Variants in IQCC observed in about 807,000 individuals in gnomAD.
IQCC encodes the protein IQ motif containing C.
Under a neutral mutation model 27.0 loss-of-function variants are expected in IQCC, and 23 were observed. The observed-to-expected ratio is 0.85, with a 90% CI of 0.61 to 1.21. The LOEUF is 1.21. IQCC is among the 50% of genes most tolerant of loss of function. The pLI is 0.00. For synonymous variants in IQCC, 220 were observed against 217.2 expected (o/e 1.01, Z -0.11); for missense variants, 552 against 562.3 (o/e 0.98, Z 0.19).
chr1:32,207,609 G>C lies in IQCC; in HGVS notation c.928G>C (p.Gly310Arg). Residue 310 changes from glycine (G) to arginine (R), a missense_variant, in exon 5 of 5, where the codon GGA becomes CGA. Physicochemically the swap from Gly to Arg is moderately radical, Grantham distance 125 (BLOSUM62 -2). Transcript: ENST00000291358. ...GCCAGACGATGGAAGACAGACCTTT[G>C]GAGGGACCTGCCTGCTGCAGATGAA... is the stretch of plus-strand genomic sequence containing the variant. ...KGPDDGRQTF[G>R]GTCLLQMKIL... 6.2e-7 allele frequency: 1 copy of C among 1,613,826 alleles called. No homozygotes were observed. The highest frequency in any genetic ancestry group is 8.5e-7 in the Non-Finnish European group (1 of 1,179,972).
chr1:32,208,127 A>G lies in IQCC; in HGVS notation c.*45A>G. On this transcript the variant is annotated 3_prime_UTR_variant, in exon 5 of 5. Coordinates refer to ENST00000291358, the MANE Select transcript of IQCC (RefSeq NM_018134.3). ...GGATCAGGTTCCAAAGGGGAATGCT[A>G]TGAAAGGGCAGTGAGACAAGACCTC... is the stretch of plus-strand genomic sequence containing the variant. 1 of 1,515,260 alleles carries G rather than the reference A, an allele frequency of 6.6e-7. No individual in the cohort carries two copies. The highest frequency in any genetic ancestry group is 8.8e-7 in the Non-Finnish European group (1 of 1,131,134). The allele number at this position is 1,515,260 out of a possible 1,614,324, so 93.9% of individuals were successfully genotyped here.
chr1:32,208,060 G>A lies in IQCC; in HGVS notation c.1379G>A (p.Trp460Ter). ...TGEEQWRGRP[W>*]KTEPPG The stretch of plus-strand genomic sequence containing the variant: ...GAGGAACAGTGGAGGGGCAGGCCAT[G>A]GAAAACAGAACCACCTGGCTAGACC... The change falls in exon 5 of 5, where the codon TGG (tryptophan) becomes TAG (stop). Residue 460 changes from tryptophan (W) to a stop codon, truncating the protein, a stop_gained. Coordinates refer to ENST00000291358, the MANE Select transcript of IQCC (RefSeq NM_018134.3). LOFTEE classifies it high-confidence loss of function. 6.2e-7 allele frequency: 1 copy of A among 1,612,000 alleles called. No individual in the cohort carries two copies. Among genetic ancestry groups the A allele is most frequent in the Non-Finnish European group, 8.5e-7 (1 of 1,178,844 alleles).
rs763952071 is a variant in IQCC at position 32,207,887 on chromosome 1, A to G, written c.1206A>G (p.Pro402=). ...HSVLDLWRTK[P]PKGQAPTDRS... Reference sequence around the variant, plus strand: ...TCCTCGATCTCTGGAGGACTAAACCACCCAAAGGCCAGGCCCCCACTGATA... The same window carrying G: ...TCCTCGATCTCTGGAGGACTAAACCGCCCAAAGGCCAGGCCCCCACTGATA... The change falls in exon 5 of 5, where the codon CCA becomes CCG. Residue 402 remains proline (P), a synonymous_variant. Transcript: ENST00000291358. 2.5e-6 allele frequency: 4 copies of G among 1,614,034 alleles called. No individual in the cohort carries two copies. Among genetic ancestry groups the G allele is most frequent in the Non-Finnish European group, 3.4e-6 (4 of 1,179,994 alleles).
chr1:32,207,510 T>C lies in IQCC; in HGVS notation c.829T>C (p.Cys277Arg). Residue 277 changes from cysteine to arginine, a missense_variant, in exon 5 of 5, where the codon TGC (cysteine) becomes CGC (arginine). Cys to Arg is a radical substitution (Grantham distance 180). Transcript: ENST00000291358. ...NIAGAKCREP[C>R]YSKSGPPSSI... ...TGCTGGGGCTAAGTGCAGAGAACCA[T>C]GCTACAGCAAGTCTGGACCACCGTC... 2 of 1,612,098 alleles carry C rather than the reference T, an allele frequency of 1.2e-6. No homozygotes were observed. The highest frequency in any genetic ancestry group is 1.7e-6 in the Non-Finnish European group (2 of 1,178,798).
In IQCC at chr1:32,205,896, C is replaced by A. The variant is rs981974392; in HGVS notation, c.42+173C>A. The A allele has an allele frequency of 3.9e-6, 6 of 1,551,436 alleles. No individual in the cohort carries two copies. The African/African-American group carries it at 8.2e-5, about 21-fold the overall frequency. On this transcript the variant is annotated intron_variant, in intron 1 of 4. Coordinates refer to ENST00000291358, the MANE Select transcript of IQCC (RefSeq NM_018134.3). The surrounding 1 kb of genome is among the most constrained non-coding windows in gnomAD (Gnocchi z 5.6). ...GAGGAAAGCTGGGACCCACGGACTC[C>A]CTGCCCTGCGCGTCCCCACTCCCAC...
chr1:32,206,178 C>T lies in IQCC; in HGVS notation c.67C>T (p.Arg23Ter), dbSNP rs1488517407. Residue 23 changes from arginine (R) to a stop codon, truncating the protein, a stop_gained, in exon 2 of 5, where the codon CGA becomes TGA. Transcript: ENST00000291358. LOFTEE classifies it high-confidence loss of function. Reference sequence around the variant, plus strand: ...GGCCTGCGTCCGGGGCTTCTTGGTCCGACGCCAGTTCCAGAGCCTGCGAGC... The same window carrying T: ...GGCCTGCGTCCGGGGCTTCTTGGTCTGACGCCAGTTCCAGAGCCTGCGAGC... ...LQACVRGFLV[R>*]RQFQSLRAEY... 1 of 1,614,108 alleles carries T rather than the reference C, an allele frequency of 6.2e-7. No individual in the cohort carries two copies. The highest frequency in any genetic ancestry group is 1.1e-5 in the South Asian group (1 of 91,068).
rs1395784448 is a variant in IQCC, at chr1:32,205,901, C to T, written c.42+178C>T. 6 of 1,551,490 alleles carry T rather than the reference C, an allele frequency of 3.9e-6. No homozygotes were observed. Among genetic ancestry groups the T allele is most frequent in the Non-Finnish European group, 5.2e-6 (6 of 1,147,204 alleles). ...AAGCTGGGACCCACGGACTCCCTGC[C>T]CTGCGCGTCCCCACTCCCACCACAC... On this transcript the variant is annotated intron_variant, in intron 1 of 4. Coordinates refer to ENST00000291358, the MANE Select transcript of IQCC (RefSeq NM_018134.3). This position sits in a 1 kb window ranked among gnomAD's most constrained non-coding sequence, Gnocchi z 5.6.
intron 1 of IQCC, 137 bp from the exon 2 acceptor site, chr1:32,206,017 C>A (rs1221677663): frequency 1.3e-6 from 2 of 1,594,464 alleles, no homozygotes; most frequent in Non-Finnish European, 1.7e-6. Context: ...GGAGCCCTAG[C>A]GCACAGCCCA....
chr1:32,208,445 A>G lies in IQCC; in HGVS notation c.*363A>G. 1 of 190,952 alleles carries G rather than the reference A, an allele frequency of 5.2e-6. No individual in the cohort carries two copies. 11.8% of individuals were successfully genotyped at this position (190,952 alleles called of 1,614,324 possible). ...GAAATGAAACCCCATCTCAACTAAAAATATAAAAATTAGCCAGGCGTGGTG... is the reference window on the plus strand; with the variant it reads ...GAAATGAAACCCCATCTCAACTAAAGATATAAAAATTAGCCAGGCGTGGTG... On this transcript the variant is annotated 3_prime_UTR_variant, in exon 5 of 5. Transcript: ENST00000291358.
rs12127777 is a variant in IQCC at position 32,207,384 on chromosome 1, G to T, written c.703G>T (p.Asp235Tyr). 7.1e-5 allele frequency: 114 copies of T among 1,614,074 alleles called. 1 individual carries two copies. In the Admixed American group the frequency reaches 1.8e-3, roughly 26 times the overall value. Residue 235 changes from aspartate to tyrosine, a missense_variant, in exon 5 of 5, where the codon GAC becomes TAC. By Grantham distance (160) the Asp-to-Tyr change is radical. Transcript: ENST00000291358. ...SAPLEDQSYR[D>Y]RTTGELEQED... ...ACCACTGGAGGACCAGTCCTACAGA[G>T]ACAGGACCACTGGAGAGCTAGAACA...
At position 32,207,640 on chromosome 1, in the gene IQCC, T is replaced by G; in HGVS notation, c.959T>G (p.Leu320Arg). The G allele has an allele frequency of 1.9e-6, 3 of 1,614,030 alleles. No individual in the cohort carries two copies. The highest frequency in any genetic ancestry group is 2.5e-6 in the Non-Finnish European group (3 of 1,180,010). The change falls in exon 5 of 5, where the codon CTG becomes CGG. Residue 320 changes from leucine (L) to arginine (R), a missense_variant. Physicochemically the swap from Leu to Arg is moderately radical, Grantham distance 102. Coordinates refer to ENST00000291358, the MANE Select transcript of IQCC (RefSeq NM_018134.3). ...ACCTGCCTGCTGCAGATGAAAATCC[T>G]GGAGGACCAGACCCCCAGAGGTTTA... ...GGTCLLQMKI[L>R]EDQTPRGLKP... is the part of the protein sequence containing the mutation.
At position 32,207,354 on chromosome 1, in the gene IQCC, A is replaced by G; in HGVS notation, c.673A>G (p.Ser225Gly). Residue 225 changes from serine (S) to glycine (G), a missense_variant, in exon 5 of 5, where the codon AGC becomes GGC. By Grantham distance (56) the Ser-to-Gly change is moderately conservative. Transcript: ENST00000291358. ...QACERDQSQP[S>G]APLEDQSYRD... ...CTGTGAGAGGGACCAGTCACAACCA[A>G]GCGCACCACTGGAGGACCAGTCCTA... The G allele has an allele frequency of 6.2e-7, 1 of 1,614,024 alleles. No homozygotes were observed. The highest frequency in any genetic ancestry group is 8.5e-7 in the Non-Finnish European group (1 of 1,180,010).
In IQCC at chr1:32,207,878, G is replaced by A. The variant is rs1359218144; in HGVS notation, c.1197G>A (p.Arg399=). The A allele has an allele frequency of 3.1e-6, 5 of 1,614,112 alleles. No individual in the cohort carries two copies. The highest frequency in any genetic ancestry group is 1.7e-5 in the Admixed American group (1 of 60,026). The change falls in exon 5 of 5, where the codon AGG becomes AGA. Residue 399 remains arginine (R), a synonymous_variant. Transcript: ENST00000291358. ...AGCATAGTGTCCTCGATCTCTGGAG[G>A]ACTAAACCACCCAAAGGCCAGGCCC... ...GPEHSVLDLW[R]TKPPKGQAPT... is the part of the protein sequence containing the mutation.
Position 32,208,441 on chromosome 1 carries a change from T to G in IQCC, c.*359T>G, listed in dbSNP as rs1267435494. On this transcript the variant is annotated 3_prime_UTR_variant, in exon 5 of 5. Coordinates refer to ENST00000291358, the MANE Select transcript of IQCC (RefSeq NM_018134.3). The stretch of plus-strand genomic sequence containing the variant: ...TGGTGAAATGAAACCCCATCTCAAC[T>G]AAAAATATAAAAATTAGCCAGGCGT... 1 of 190,832 alleles carries G rather than the reference T, an allele frequency of 5.2e-6. No individual in the cohort carries two copies. 11.8% of individuals were successfully genotyped at this position (190,832 alleles called of 1,614,324 possible).
At position 32,207,030 on chromosome 1, in the gene IQCC, C is replaced by T. The variant is rs1350488506; in HGVS notation, c.468C>T (p.Ser156=). The change falls in exon 4 of 5, where the codon AGC becomes AGT. Residue 156 remains serine (S), a synonymous_variant. Coordinates refer to ENST00000291358, the MANE Select transcript of IQCC (RefSeq NM_018134.3). The part of the protein sequence containing the change: ...PEATDQRLPH[S]QPQLQELQYH... Reference sequence around the variant, plus strand: ...CCACAGATCAAAGACTGCCCCACAGCCAACCTCAGCTTCAAGAGCTTCAGT... The same window carrying T: ...CCACAGATCAAAGACTGCCCCACAGTCAACCTCAGCTTCAAGAGCTTCAGT... The T allele has an allele frequency of 1.2e-6, 2 of 1,613,032 alleles. No homozygotes were observed. Among genetic ancestry groups the T allele is most frequent in the Non-Finnish European group, 1.7e-6 (2 of 1,179,600 alleles).
chr1:32,206,851 C>T, intron 3 of IQCC, 90 bp downstream of exon 3: 1 of 1,508,876 alleles, frequency 6.6e-7, no homozygotes, highest in East Asian at 2.3e-5. Context: ...GCTAGATAAG[C>T]TGCATCCCTT....
chr1:32,208,223 A>G lies in IQCC; in HGVS notation c.*141A>G. On this transcript the variant is annotated 3_prime_UTR_variant, in exon 5 of 5. Transcript: ENST00000291358. ...CATTGGTGACTAGTGGGGCCAAGAG[A>G]AGCTGGAGCAGAGAGCTGGCATGAG... 1.2e-6 allele frequency: 1 copy of G among 858,526 alleles called. No individual in the cohort carries two copies. The highest frequency in any genetic ancestry group is 1.8e-6 in the Non-Finnish European group (1 of 564,046). 53.2% of individuals were successfully genotyped at this position (858,526 alleles called of 1,614,324 possible). A position where few individuals can be genotyped will look rare whatever the true frequency, so the allele number is the denominator to read the frequency against.
chr1:32,207,488 T>A lies in IQCC; in HGVS notation c.807T>A (p.Ala269=). The part of the protein sequence containing the change: ...GSLATTQKNI[A]GAKCREPCYS... ...TGGCCACTACACAAAAAAACATTGC[T>A]GGGGCTAAGTGCAGAGAACCATGCT... is the stretch of plus-strand genomic sequence containing the variant. Residue 269 remains alanine (A), a synonymous_variant, in exon 5 of 5, where the codon GCT becomes GCA. Coordinates refer to ENST00000291358, the MANE Select transcript of IQCC (RefSeq NM_018134.3). 6.2e-7 allele frequency: 1 copy of A among 1,613,230 alleles called. No homozygotes were observed. Among genetic ancestry groups the A allele is most frequent in the Non-Finnish European group, 8.5e-7 (1 of 1,179,652 alleles).
At position 32,208,104 on chromosome 1, in the gene IQCC, A is replaced by G; in HGVS notation, c.*22A>G. On this transcript the variant is annotated 3_prime_UTR_variant, in exon 5 of 5. Transcript: ENST00000291358. ...CTAGACCCTAGGAAGCCAGGAGAGG[A>G]TCAGGTTCCAAAGGGGAATGCTATG... 1 of 1,567,634 alleles carries G rather than the reference A, an allele frequency of 6.4e-7. No individual in the cohort carries two copies. Among genetic ancestry groups the G allele is most frequent in the Non-Finnish European group, 8.6e-7 (1 of 1,157,194 alleles).
Sources: gnomAD v4.1 joint callset for allele counts on GRCh38, gnomAD v4.1.1 for gene constraint, Gnocchi (gnomAD v3.1) non-coding constraint, MANE v1.5 for transcripts, NCBI Gene and HGNC (gene_info 2026-07-23, HGNC 2026-07-21) for gene names.